FGR: variants seen among roughly 807,000 people sequenced by gnomAD.
The protein encoded by FGR is tyrosine-protein kinase Fgr.
FGR carries 26 observed loss-of-function variants against 63.2 expected under a neutral mutation model. The ratio of observed to expected loss-of-function variants is 0.41; its 90% CI spans 0.30 to 0.57. FGR has a LOEUF of 0.57. Among genes scored for constraint, FGR ranks in the 20% least tolerant of loss-of-function variants. FGR has a pLI of 0.27. For missense variants in FGR, 511 were observed against 690.8 expected (o/e 0.74, Z 2.92); for synonymous variants, 286 against 277.7 (o/e 1.03, Z -0.30).
In FGR at chr1:27,627,515, C is replaced by T. The variant is rs192218350; in HGVS notation, c.-76-2364G>A. Among the ~76,000 whole-genome samples, 232 of 152,156 alleles carry T rather than the reference C, an allele frequency of 1.5e-3. 1 individual carries two copies. Among genetic ancestry groups the T allele is most frequent in the Middle Eastern group, 0.01 (3 of 294 alleles). On this transcript the variant is annotated intron_variant, in intron 1 of 12. Transcript: ENST00000374005. ...AGAATAGCAAATACAAAATTTATAGCGCTTACTATATGCGCTGGCCACTGC... is the reference window on the plus strand; with the variant it reads ...AGAATAGCAAATACAAAATTTATAGTGCTTACTATATGCGCTGGCCACTGC...
chr1:27,623,236 G>T, intron 3 of FGR, 92 bp from the exon 4 acceptor site: 2 of 887,282 alleles, frequency 2.3e-6, no homozygotes, highest in Non-Finnish European at 3.7e-6. Context: ...GCCAGGTGCT[G>T]CACCTCCCCA....
At chr1:27,622,965 A>G in intron 4 of FGR, 77 bp downstream of exon 4, 1 of 1,015,268 alleles carries the variant, frequency 9.8e-7, no homozygotes, top group Non-Finnish European at 1.6e-6. Flanking sequence ...TTCTGAGGCT[A>G]GGGACCAGGT....
At chr1:27,625,635 C>T (rs986457111) in intron 1 of FGR, among the ~76,000 whole-genome samples, 21 of 152,162 alleles carry the variant, frequency 1.4e-4, no homozygotes, top group African/African-American at 4.6e-4. Context: ...CCCCAGTCAC[C>T]ATCTCCTAAA....
intron 2 of FGR, among the ~76,000 whole-genome samples, chr1:27,624,758 A>C (rs1336146762): frequency 6.6e-6 from 1 of 151,762 alleles, no homozygotes; most frequent in Non-Finnish European, 1.5e-5. Flanking sequence ...TGTGTCTATG[A>C]ATGTGCACCT....
In FGR at chr1:27,615,527, C is replaced by T. The variant is rs762522098; in HGVS notation, c.925G>A (p.Val309Ile). 2 of 1,614,034 alleles carry T rather than the reference C, an allele frequency of 1.2e-6. No individual in the cohort carries two copies. The highest frequency in any genetic ancestry group is 1.7e-5 in the Admixed American group (1 of 60,022). ...SPKAFLEEAQ[V>I]MKLLRHDKLV... ...TTGTCGTGCCGCAGCAGCTTCATGA[C>T]CTGCGCCTCCTCCAGGAAGGCCTTC... is the stretch of plus-strand genomic sequence containing the variant. The change falls in exon 9 of 13, where the codon GTC (valine) becomes ATC (isoleucine). Residue 309 changes from valine to isoleucine, a missense_variant. Physicochemically the swap from Val to Ile is conservative, Grantham distance 29 (BLOSUM62 3). Transcript: ENST00000374005. This position sits in a 1 kb window ranked among gnomAD's most constrained non-coding sequence, Gnocchi z 7.6.
In FGR at chr1:27,615,564, G is replaced by C; in HGVS notation, c.888C>G (p.Gly296=). 1 of 1,613,676 alleles carries C rather than the reference G, an allele frequency of 6.2e-7. No homozygotes were observed. The highest frequency in any genetic ancestry group is 1.7e-4 in the Middle Eastern group (1 of 6,060). Reference sequence around the variant, plus strand: ...CCAGGAAGGCCTTCGGGGACATGGTGCCCGGCTTCAGCGTCTTCACCGCCA... The same window carrying C: ...CCAGGAAGGCCTTCGGGGACATGGTCCCCGGCTTCAGCGTCTTCACCGCCA... ...TKVAVKTLKP[G]TMSPKAFLEE... The change falls in exon 9 of 13, where the codon GGC becomes GGG. Residue 296 remains glycine, a synonymous_variant. Transcript: ENST00000374005. The surrounding 1 kb of genome is among the most constrained non-coding windows in gnomAD (Gnocchi z 7.6).
chr1:27,614,994 G>T, intron 9 of FGR, 68 bp from the exon 10 acceptor site: 1 of 1,315,800 alleles, frequency 7.6e-7, no homozygotes, highest in South Asian at 1.3e-5. Flanking sequence ...CCTCTCGCTT[G>T]ACCCCGCCCC....
Position 27,624,261 on chromosome 1 carries a change from GA to G in FGR, c.-13-333del, listed in dbSNP as rs2089982203. On this transcript the variant is annotated intron_variant, in intron 2 of 12. Transcript: ENST00000374005. ...CTTTTTTTGTTTTGTTTTGAGACAA[GA>G]TCTCACTCTGTTGCCCAGGCTGGAG... Among the ~76,000 whole-genome samples, 7 of 152,258 alleles carry G rather than the reference GA, an allele frequency of 4.6e-5. No homozygotes were observed. In the South Asian group the frequency reaches 1.5e-3, roughly 32 times the overall value.
At chr1:27,623,503 C>T (rs1339259762) in intron 3 of FGR, 188 bp downstream of exon 3, 3 of 678,926 alleles carry the variant, frequency 4.4e-6, no homozygotes, top group Non-Finnish European at 7.9e-6. Context: ...GCTTCTTGAC[C>T]CTCCCCTGCA....
chr1:27,612,689 AG>A lies in FGR; in HGVS notation c.*224del, dbSNP rs1240027523. On this transcript the variant is annotated 3_prime_UTR_variant, in exon 13 of 13. Transcript: ENST00000374005. ...ATGTAGGGGCCTAAGTGGAAAAGGA[AG>A]AAATAGTGCTTGGGGCCAGAGCGGA... 3.7e-6 allele frequency: 2 copies of A among 544,674 alleles called. No individual in the cohort carries two copies. The highest frequency in any genetic ancestry group is 6.0e-5 in the East Asian group (2 of 33,442). The allele number at this position is 544,674 out of a possible 1,614,324, so 33.7% of individuals were successfully genotyped here. A position where few individuals can be genotyped will look rare whatever the true frequency, so the allele number is the denominator to read the frequency against.
intron 11 of FGR, among the ~76,000 whole-genome samples, chr1:27,613,694 CAAAAA>C (rs56363244): frequency 2.3e-4 from 17 of 74,240 alleles, no homozygotes; most frequent in African/African-American, 8.2e-4. Context: ...GACTCCATCT[CAAAAA>C]AAAAAAAAAA....
Position 27,616,854 on chromosome 1 carries a change from C to A in FGR, c.682+3G>T. 1.2e-6 allele frequency: 2 copies of A among 1,614,168 alleles called. No individual in the cohort carries two copies. The highest frequency in any genetic ancestry group is 1.7e-6 in the Non-Finnish European group (2 of 1,180,022). ...TTCAGGGATCTGAGGCCCCTGCCCT[C>A]ACCCATGTAGTGCTGCACCAGCTCC... On this transcript the variant is annotated splice_donor_region_variant and intron_variant, in intron 7 of 12. Transcript: ENST00000374005. The surrounding 1 kb of genome is among the most constrained non-coding windows in gnomAD (Gnocchi z 4.3).
In FGR at chr1:27,617,992, C is replaced by T. The variant is rs1446025329; in HGVS notation, c.429-696G>A. 6.6e-6 allele frequency among the ~76,000 whole-genome samples: 1 copy of T among 152,120 alleles called. No individual in the cohort carries two copies. Among genetic ancestry groups the T allele is most frequent in the Non-Finnish European group, 1.5e-5 (1 of 68,030 alleles). ...GGTACAATGGGGGAGCTGAAGTGAC[C>T]ACAGGTGCCATAGAAGACTCAGATG... On this transcript the variant is annotated intron_variant, in intron 5 of 12. Transcript: ENST00000374005. This position sits in a 1 kb window ranked among gnomAD's most constrained non-coding sequence, Gnocchi z 4.5.
At chr1:27,632,686 CTCTTT>C (rs2090122560) in intron 1 of FGR, among the ~76,000 whole-genome samples, 1 of 151,984 alleles carries the variant, frequency 6.6e-6, no homozygotes, top group Non-Finnish European at 1.5e-5. Context: ...TAAAACACAG[CTCTTT>C]AGATGCCATC....
chr1:27,632,338 A>C (rs1187753513), intron 1 of FGR, among the ~76,000 whole-genome samples: 2 of 151,714 alleles, frequency 1.3e-5, no homozygotes, highest in Admixed American at 1.3e-4. Flanking sequence ...GGGTTTAGTC[A>C]TGTTGGCCAG....
rs1286557104 is a variant in FGR, at chr1:27,616,266, C to A, written c.683-422G>T. On this transcript the variant is annotated intron_variant, in intron 7 of 12. Coordinates refer to ENST00000374005, the MANE Select transcript of FGR (RefSeq NM_005248.3). This position sits in a 1 kb window ranked among gnomAD's most constrained non-coding sequence, Gnocchi z 4.3. ...ACGTGGGCATTGACTCCTGCCTTCCCTTCACCCCCACAGCCAATTCTCCAC... is the reference window on the plus strand; with the variant it reads ...ACGTGGGCATTGACTCCTGCCTTCCATTCACCCCCACAGCCAATTCTCCAC... 6.6e-6 allele frequency among the ~76,000 whole-genome samples: 1 copy of A among 152,206 alleles called. No homozygotes were observed. Among genetic ancestry groups the A allele is most frequent in the African/African-American group, 2.4e-5 (1 of 41,446 alleles).
chr1:27,631,874 G>A (rs1376553515), intron 1 of FGR, among the ~76,000 whole-genome samples: 3 of 151,992 alleles, frequency 2.0e-5, no homozygotes, highest in Non-Finnish European at 4.4e-5. Context: ...CAAGAGTTCC[G>A]GCTTCTCCTC....
chr1:27,614,467 C>T lies in FGR; in HGVS notation c.1212G>A (p.Ala404=), dbSNP rs1195733231. ...LACKIADFGL[A]RLIKDDEYNP... is the part of the protein sequence containing the mutation. Reference sequence around the variant, plus strand: ...TGTACTCATCGTCCTTGATGAGACGCGCCAAGCCAAAGTCTGCGATCTTGC... The same window carrying T: ...TGTACTCATCGTCCTTGATGAGACGTGCCAAGCCAAAGTCTGCGATCTTGC... The change falls in exon 11 of 13, where the codon GCG becomes GCA. Residue 404 remains alanine (A), a synonymous_variant. Transcript: ENST00000374005. 11 of 1,613,392 alleles carry T rather than the reference C, an allele frequency of 6.8e-6. No individual in the cohort carries two copies. Among genetic ancestry groups the T allele is most frequent in the Admixed American group, 6.7e-5 (4 of 59,916 alleles).
intron 1 of FGR, among the ~76,000 whole-genome samples, chr1:27,628,442 C>G (rs2090056603): frequency 1.3e-5 from 2 of 151,920 alleles, no homozygotes; most frequent in Admixed American, 6.6e-5. Context: ...CAGATACAGA[C>G]AGATGCAGCC....
Sources: gnomAD v4.1 joint callset for allele counts (sites outside exome capture counted in the v4.1 genomes callset) on GRCh38, gnomAD v4.1.1 for gene constraint, Gnocchi (gnomAD v3.1) non-coding constraint, MANE v1.5 for transcripts, NCBI Gene and HGNC (gene_info 2026-07-23, HGNC 2026-07-21) for gene names.